The following SGK1 variants were observed in gnomAD, a reference collection of about 807,000 sequenced individuals.
The protein encoded by SGK1 is serine/threonine-protein kinase Sgk1.
Under a neutral mutation model 64.2 loss-of-function variants are expected in SGK1, and 26 were observed. The ratio of observed to expected loss-of-function variants is 0.40; its 90% CI spans 0.30 to 0.56. The LOEUF is 0.56. Ranked by LOEUF, SGK1 falls within the 20% of genes least tolerant of loss-of-function variation. SGK1 has a pLI of 0.38. For missense variants in SGK1, 519 were observed against 645.6 expected, an observed-to-expected ratio of 0.80 and a Z score of 2.12; for synonymous variants, 265 against 239.7, an observed-to-expected ratio of 1.11 and a Z score of -0.98.
At chr6:134,188,882 G>A (rs1260228309) in intron 3 of SGK1, among the ~76,000 whole-genome samples, 6 of 149,082 alleles carry the variant, frequency 4.0e-5, no homozygotes, top group African/African-American at 7.4e-5. Context: ...ACAGGCACAT[G>A]CCACCATGCC....
At chr6:134,264,310 C>G (rs191752972) in intron 1 of SGK1, among the ~76,000 whole-genome samples, 157 of 151,628 alleles carry the variant, frequency 1.0e-3, no homozygotes, top group African/African-American at 3.4e-3. Flanking sequence ...TAGTAGAGAC[C>G]GGGTTTCATC....
intron 1 of SGK1, among the ~76,000 whole-genome samples, chr6:134,264,778 G>A (rs572864385): frequency 4.6e-5 from 7 of 152,132 alleles, no homozygotes; most frequent in Admixed American, 3.9e-4. Flanking sequence ...CAAGTAGCTG[G>A]GACTACAGGC....
intron 3 of SGK1, chr6:134,174,991 T>G: frequency 8.2e-7 from 1 of 1,221,622 alleles, no homozygotes; most frequent in East Asian, 2.7e-5. Context: ...CGCGGTTTGC[T>G]GGCGGCTACG....
intron 1 of SGK1, among the ~76,000 whole-genome samples, chr6:134,267,173 T>A (rs932049472): frequency 4.0e-5 from 6 of 151,460 alleles, no homozygotes; most frequent in Admixed American, 1.3e-4. Context: ...CAAAATAAAA[T>A]TTTTTTTAAA....
At chr6:134,204,855 G>C (rs191193612) in intron 3 of SGK1, among the ~76,000 whole-genome samples, 1 of 152,080 alleles carries the variant, frequency 6.6e-6, no homozygotes, top group Admixed American at 6.6e-5. Flanking sequence ...CACCCAGCCC[G>C]TAACATAATT....
intron 2 of SGK1, 56 bp from the exon 3 acceptor site, chr6:134,207,487 AT>A: frequency 8.4e-7 from 1 of 1,185,522 alleles, no homozygotes; most frequent in Non-Finnish European, 1.2e-6. Context: ...CATTTCAGCT[AT>A]TTTAGGCTTA....
chr6:134,306,911 A>G (rs1420416323), intron 1 of SGK1, among the ~76,000 whole-genome samples: 89 of 106,998 alleles, frequency 8.3e-4, no homozygotes, highest in African/African-American at 2.4e-3. Flanking sequence ...AAGAAATAAA[A>G]GGGGGGGGGG....
At chr6:134,239,724 A>T (rs567213510) in intron 2 of SGK1, among the ~76,000 whole-genome samples, 1 of 152,152 alleles carries the variant, frequency 6.6e-6, no homozygotes, top group Non-Finnish European at 1.5e-5. Flanking sequence ...CTCAAAGATG[A>T]CCTCTCATTT....
chr6:134,277,553 T>C (rs1354957479), intron 1 of SGK1, among the ~76,000 whole-genome samples: 1 of 152,002 alleles, frequency 6.6e-6, no homozygotes, highest in Admixed American at 6.6e-5. Context: ...CCTGGGTTTT[T>C]TGGGCAATGG....
chr6:134,187,065 C>T (rs1016815925), intron 3 of SGK1, among the ~76,000 whole-genome samples: 5 of 152,262 alleles, frequency 3.3e-5, no homozygotes, highest in African/African-American at 9.6e-5. Flanking sequence ...ATCTGCTCGC[C>T]TCGGCCTCCC....
At chr6:134,285,132 G>T (rs1377253138) in intron 1 of SGK1, among the ~76,000 whole-genome samples, 1 of 151,888 alleles carries the variant, frequency 6.6e-6, no homozygotes, top group Non-Finnish European at 1.5e-5. Context: ...CATAGTGGTT[G>T]CACTAGTTTA....
At chr6:134,260,374 A>ACCTC (rs1554225480) in intron 2 of SGK1, 1 of 113,162 alleles carries the variant, frequency 8.8e-6, no homozygotes, top group Non-Finnish European at 1.8e-5. Context: ...CCCGACCCCC[A>ACCTC]CCCCCCCCAA....
rs939857541 is a variant in SGK1 at position 134,317,542 on chromosome 6, C to G, written c.-82G>C. On this transcript the variant is annotated 5_prime_UTR_variant, in exon 1 of 14. Transcript: ENST00000367858. ...GCATATCTGTTTCCCCGGTTTACCT[C>G]CTGCAGACAGTTAATGAAGACTGAG... 5.9e-6 allele frequency: 5 copies of G among 849,590 alleles called. No homozygotes were observed. Among genetic ancestry groups the G allele is most frequent in the Non-Finnish European group, 1.0e-5 (5 of 483,504 alleles). 52.6% of individuals were successfully genotyped at this position (849,590 alleles called of 1,614,324 possible).
At chr6:134,185,582 G>GTGTGTGTA (rs2114658852) in intron 3 of SGK1, among the ~76,000 whole-genome samples, 1 of 151,828 alleles carries the variant, frequency 6.6e-6, no homozygotes, top group East Asian at 1.9e-4. Context: ...GTGTGTGTGT[G>GTGTGTGTA]TGTGTGTATT....
chr6:134,230,471 T>G (rs1252066520), intron 2 of SGK1: 1 of 152,182 alleles, frequency 6.6e-6, no homozygotes, highest in African/African-American at 2.4e-5. Flanking sequence ...GCAAGATGCC[T>G]TCCTCACAAG....
At position 134,171,648 on chromosome 6, in the gene SGK1, G is replaced by A. The variant is rs1775029897; in HGVS notation, c.1156C>T (p.Leu386=). 6.2e-7 allele frequency: 1 copy of A among 1,612,128 alleles called. No homozygotes were observed. Among genetic ancestry groups the A allele is most frequent in the African/African-American group, 1.3e-5 (1 of 74,882 alleles). The part of the protein sequence containing the change: ...WCLGAVLYEM[L]YGLPPFYSRN... ...AATGTGCCACTCACCAGGCCATACAGCATCTCATACAAGACAGCTCCCAGG... is the reference window on the plus strand; with the variant it reads ...AATGTGCCACTCACCAGGCCATACAACATCTCATACAAGACAGCTCCCAGG... The change falls in exon 11 of 14, where the codon CTG becomes TTG. Residue 386 remains leucine (L), a synonymous_variant. Coordinates refer to ENST00000367858, the MANE Select transcript of SGK1 (RefSeq NM_001143676.3).
At chr6:134,245,624 G>A (rs1389544916) in intron 2 of SGK1, among the ~76,000 whole-genome samples, 1 of 152,250 alleles carries the variant, frequency 6.6e-6, no homozygotes, top group Admixed American at 6.5e-5. Flanking sequence ...GGAGGCCAAA[G>A]TGGGTGGATT....
At chr6:134,223,957 A>G (rs1462038510) in intron 2 of SGK1, among the ~76,000 whole-genome samples, 1 of 152,234 alleles carries the variant, frequency 6.6e-6, no homozygotes, top group Non-Finnish European at 1.5e-5. Context: ...TAATCTGGCC[A>G]TCCCAAGAGT....
intron 3 of SGK1, among the ~76,000 whole-genome samples, chr6:134,206,809 G>A (rs1285972409): frequency 2.0e-5 from 3 of 150,208 alleles, no homozygotes; most frequent in Non-Finnish European, 3.0e-5. Flanking sequence ...GGAGGTTGCA[G>A]TGAGCCGAGA....
Sources: allele counts gnomAD v4.1 joint callset (sites outside exome capture counted in the v4.1 genomes callset), GRCh38; gene constraint gnomAD v4.1.1; transcripts MANE v1.5; gene names NCBI Gene and HGNC (gene_info 2026-07-23, HGNC 2026-07-21).